The following PAX6 variants were observed in gnomAD, a reference collection of about 807,000 sequenced individuals.
PAX6 encodes the protein paired box protein Pax-6.
PAX6 carries 7 observed loss-of-function variants against 60.7 expected under a neutral mutation model. That is an observed-to-expected ratio of 0.12 (90% confidence interval 0.07 to 0.22). The LOEUF (loss-of-function observed/expected upper bound fraction) is 0.22. PAX6 is among the 10% of genes least tolerant of loss of function. The pLI is 1.00. For missense variants in PAX6, 355 were observed against 555.2 expected (o/e 0.64, Z 3.62); for synonymous variants, 208 against 201.2 (o/e 1.03, Z -0.29).
At chr11:31,794,576 A>G in intron 9 of PAX6, 54 bp downstream of exon 9, 1 of 1,575,164 alleles carries the variant, frequency 6.3e-7, no homozygotes. Context: ...TTTGTACTGA[A>G]GATGTGGCAT....
At chr11:31,800,976 C>T in intron 7 of PAX6, 120 bp from the exon 8 acceptor site, 5 of 1,049,078 alleles carry the variant, frequency 4.8e-6, no homozygotes, top group Non-Finnish European at 7.2e-6. Context: ...TCCCAGCCAC[C>T]CCGGGACAGT....
intron 12 of PAX6, 189 bp downstream of exon 12, chr11:31,793,249 G>A (rs1189207498): frequency 7.2e-6 from 5 of 698,412 alleles, no homozygotes; most frequent in South Asian, 3.0e-5. Context: ...TTTTTTTAGG[G>A]CATGAATTAA....
At chr11:31,800,470 C>A in intron 8 of PAX6, 1 of 657,528 alleles carries the variant, frequency 1.5e-6, no homozygotes, top group South Asian at 1.7e-5. Flanking sequence ...ACCTTCATAC[C>A]GCTCCTGACA....
At position 31,790,415 on chromosome 11, in the gene PAX6, G is replaced by A. The variant is rs970095520; in HGVS notation, c.1225+295C>T. 17 of 1,306,928 alleles carry A rather than the reference G, an allele frequency of 1.3e-5. No individual in the cohort carries two copies. The Admixed American group carries it at 5.4e-4, about 42-fold the overall frequency. The allele number at this position is 1,306,928 out of a possible 1,614,324, so 81.0% of individuals were successfully genotyped here. A position where few individuals can be genotyped will look rare whatever the true frequency, so the allele number is the denominator to read the frequency against. ...ACAAGCACGCACCTACAGCTCAGTG[G>A]GCCCCCTACTGAGCTTCGTCTAATA... On this transcript the variant is annotated intron_variant, in intron 13 of 13. Coordinates refer to ENST00000640368, the MANE Select transcript of PAX6 (RefSeq NM_001368894.2).
chr11:31,792,204 A>C (rs769173361), intron 12 of PAX6: 7 of 152,204 alleles, frequency 4.6e-5, no homozygotes, highest in Non-Finnish European at 1.0e-4. Context: ...TTCAGCTTGC[A>C]TTTGTTTCTA....
chr11:31,799,279 G>T (rs557467198), intron 8 of PAX6, among the ~76,000 whole-genome samples: 1 of 152,126 alleles, frequency 6.6e-6, no homozygotes, highest in African/African-American at 2.4e-5. Flanking sequence ...CGGCGGGTTC[G>T]GGGCCCGTGC....
intron 4 of PAX6, chr11:31,803,852 A>T (rs1257449833): frequency 6.6e-6 from 1 of 152,382 alleles, no homozygotes; most frequent in Non-Finnish European, 1.5e-5. Flanking sequence ...ACCTTAGAGA[A>T]TAGGGAGAGG....
intron 13 of PAX6, chr11:31,790,427 A>C (rs980141591): frequency 6.8e-6 from 9 of 1,318,430 alleles, no homozygotes; most frequent in Middle Eastern, 6.1e-4. Flanking sequence ...CCCCCTACTG[A>C]GCTTCGTCTA....
upstream of PAX6, chr11:31,812,342 C>T (rs1164685159): frequency 1.9e-5 from 2 of 103,312 alleles, no homozygotes; most frequent in South Asian, 3.3e-4. Flanking sequence ...GTGTGTGTGT[C>T]CCACTGGCGA....
intron 12 of PAX6, chr11:31,791,238 T>C (rs962049136): frequency 2.7e-6 from 1 of 369,162 alleles, no homozygotes; most frequent in Admixed American, 3.7e-5. Flanking sequence ...CTGGATTTAT[T>C]TGGGAACCCT....
intron 7 of PAX6, chr11:31,801,261 C>T (rs1374556284): frequency 1.0e-5 from 14 of 1,380,156 alleles, no homozygotes; most frequent in African/African-American, 2.9e-5. Context: ...TGGATTAGGA[C>T]GAAGTTACAA....
upstream of PAX6, among the ~76,000 whole-genome samples, chr11:31,815,524 G>A (rs896310134): frequency 3.3e-5 from 5 of 152,148 alleles, no homozygotes; most frequent in Non-Finnish European, 7.3e-5. Context: ...TTGAGGCTGG[G>A]GAGGGGGAGG....
intron 3 of PAX6, 137 bp downstream of exon 3, chr11:31,806,712 A>G (rs1955894294): frequency 2.1e-6 from 1 of 465,920 alleles, no homozygotes. Flanking sequence ...TTAGCAGTTA[A>G]CCCTTTAATC....
chr11:31,795,347 C>T (rs1951164627), intron 8 of PAX6, among the ~76,000 whole-genome samples: 1 of 152,204 alleles, frequency 6.6e-6, no homozygotes, highest in Admixed American at 6.5e-5. Context: ...TTTAGAAGTG[C>T]TCGCATTGTT....
chr11:31,806,126 T>TG (rs1955728235), intron 4 of PAX6: 5 of 475,724 alleles, frequency 1.1e-5, no homozygotes, highest in South Asian at 3.9e-5. Flanking sequence ...TTACAGGATT[T>TG]GGGGGGGATG....
chr11:31,798,551 C>T (rs945717824), intron 8 of PAX6, among the ~76,000 whole-genome samples: 15 of 152,210 alleles, frequency 9.9e-5, no homozygotes, highest in Non-Finnish European at 1.5e-5. Flanking sequence ...GTGCCCGCTA[C>T]CCCCACGCCG....
intron 8 of PAX6, among the ~76,000 whole-genome samples, chr11:31,799,215 G>C (rs929535927): frequency 6.6e-6 from 1 of 152,192 alleles, no homozygotes; most frequent in Non-Finnish European, 1.5e-5. Flanking sequence ...GGGGTCAATC[G>C]CTAGTCTCAC....
At chr11:31,812,938 G>C (rs1021547680), upstream of PAX6, 5 of 152,276 alleles carry the variant, frequency 3.3e-5, no homozygotes, top group African/African-American at 1.2e-4. Flanking sequence ...AGCCGCCCTG[G>C]GCCGCCGGGC....
chr11:31,793,885 C>A (rs1416298167), intron 10 of PAX6, 83 bp from the exon 11 acceptor site: 5 of 1,495,570 alleles, frequency 3.3e-6, no homozygotes, highest in Non-Finnish European at 4.7e-6. Flanking sequence ...GCCCTCCCCA[C>A]GCCCATGGCA....
Sources: gnomAD v4.1 joint callset for allele counts (sites outside exome capture counted in the v4.1 genomes callset) on GRCh38, gnomAD v4.1.1 for gene constraint, MANE v1.5 for transcripts, NCBI Gene and HGNC (gene_info 2026-07-23, HGNC 2026-07-21) for gene names.